Variants in FHIT observed in about 807,000 individuals in gnomAD.
The protein encoded by FHIT is bis(5'-adenosyl)-triphosphatase.
FHIT carries 19 observed loss-of-function variants against 17.9 expected under a neutral mutation model. The ratio of observed to expected loss-of-function variants is 1.06; its 90% CI spans 0.74 to 1.56. The LOEUF (loss-of-function observed/expected upper bound fraction) is 1.56. Among genes scored for constraint, FHIT ranks in the 40% most tolerant of loss-of-function variants. The pLI is 0.00. For synonymous variants in FHIT, 81 were observed against 69.7 expected (o/e 1.16, Z -0.81); for missense variants, 248 against 189.2 (o/e 1.31, Z -1.82).
At chr3:60,355,575 C>T (rs1439606229) in intron 5 of FHIT, among the ~76,000 whole-genome samples, 5 of 151,792 alleles carry the variant, frequency 3.3e-5, no homozygotes, top group Non-Finnish European at 5.9e-5. Flanking sequence ...TGAAAAATTG[C>T]TATTAAAAAA....
At chr3:60,919,735 T>A (rs144404792) in intron 3 of FHIT, among the ~76,000 whole-genome samples, 190 of 152,294 alleles carry the variant, frequency 1.2e-3, no homozygotes, top group African/African-American at 4.2e-3. Flanking sequence ...ATATTTTTTA[T>A]AGGGAATAAG....
chr3:60,124,041 G>GAGAC (rs1553691002), intron 5 of FHIT, among the ~76,000 whole-genome samples: 1,789 of 45,688 alleles, frequency 0.039, 62 homozygotes, highest in Non-Finnish European at 0.063. Context: ...GAGAGAGAGA[G>GAGAC]AGAGAGAGAG....
intron 2 of FHIT, among the ~76,000 whole-genome samples, chr3:61,115,235 G>C (rs750271947): frequency 1.3e-5 from 2 of 152,108 alleles, no homozygotes; most frequent in Non-Finnish European, 2.9e-5. Context: ...ATTATAATTG[G>C]AAATAAGTGA....
intron 8 of FHIT, among the ~76,000 whole-genome samples, chr3:59,784,469 C>T (rs965612793): frequency 1.3e-5 from 2 of 152,232 alleles, no homozygotes; most frequent in Non-Finnish European, 2.9e-5. Flanking sequence ...GAAAGCCATA[C>T]ATTGCCTTTG....
chr3:60,166,696 G>A (rs1701190193), intron 5 of FHIT, among the ~76,000 whole-genome samples: 2 of 152,130 alleles, frequency 1.3e-5, no homozygotes, highest in Admixed American at 6.6e-5. Context: ...CAGACAGATG[G>A]ACACATAAAA....
intron 2 of FHIT, among the ~76,000 whole-genome samples, chr3:61,184,385 T>C (rs1194791975): frequency 2.6e-5 from 4 of 152,048 alleles, no homozygotes; most frequent in African/African-American, 4.8e-5. Flanking sequence ...ACTGACTTCC[T>C]TGAGATGGGG....
At chr3:59,849,140 G>C (rs964001654) in intron 8 of FHIT, among the ~76,000 whole-genome samples, 1 of 152,158 alleles carries the variant, frequency 6.6e-6, no homozygotes, top group Non-Finnish European at 1.5e-5. Flanking sequence ...GGAGGCCAAG[G>C]CAGGCAGATC....
chr3:60,397,322 T>G (rs1701484721), intron 5 of FHIT, among the ~76,000 whole-genome samples: 2 of 152,090 alleles, frequency 1.3e-5, no homozygotes, highest in Admixed American at 6.6e-5. Context: ...AGGAAGAACT[T>G]CCAGACCATG....
chr3:60,584,106 A>G (rs1473874694), intron 4 of FHIT, among the ~76,000 whole-genome samples: 1 of 152,022 alleles, frequency 6.6e-6, no homozygotes, highest in African/African-American at 2.4e-5. Context: ...AATGACCAGG[A>G]CCTAAGAAAG....
chr3:61,084,917 T>A (rs1490290969), intron 2 of FHIT, among the ~76,000 whole-genome samples: 1 of 152,210 alleles, frequency 6.6e-6, no homozygotes, highest in African/African-American at 2.4e-5. Context: ...GATTCTTTTG[T>A]GTCTGGATTC....
intron 4 of FHIT, among the ~76,000 whole-genome samples, chr3:60,731,846 A>T (rs1339128197): frequency 5.3e-5 from 8 of 152,168 alleles, no homozygotes; most frequent in Non-Finnish European, 1.5e-5. Flanking sequence ...GTCGCCTGAC[A>T]TTCCTGGTGG....
intron 4 of FHIT, among the ~76,000 whole-genome samples, chr3:60,549,051 T>G: frequency 6.6e-6 from 1 of 152,182 alleles, no homozygotes; most frequent in East Asian, 1.9e-4. Context: ...CTTAAATATT[T>G]GATAAGTGCT....
intron 5 of FHIT, among the ~76,000 whole-genome samples, chr3:60,232,451 G>A (rs980871636): frequency 6.6e-6 from 1 of 152,080 alleles, no homozygotes; most frequent in South Asian, 2.1e-4. Flanking sequence ...AAGTACAGAT[G>A]CATGTTATCA....
chr3:60,604,616 G>C (rs1343206409), intron 4 of FHIT, among the ~76,000 whole-genome samples: 3 of 152,104 alleles, frequency 2.0e-5, no homozygotes, highest in African/African-American at 7.2e-5. Flanking sequence ...AACAAATTAT[G>C]TCATTTCTTA....
intron 5 of FHIT, among the ~76,000 whole-genome samples, chr3:60,151,249 A>G (rs570394335): frequency 6.6e-6 from 1 of 152,182 alleles, no homozygotes; most frequent in African/African-American, 2.4e-5. Context: ...TCAGTACATA[A>G]ATTATATAAT....
intron 5 of FHIT, among the ~76,000 whole-genome samples, chr3:60,436,958 C>T (rs192156526): frequency 6.6e-6 from 1 of 152,064 alleles, no homozygotes; most frequent in Non-Finnish European, 1.5e-5. Flanking sequence ...ACACAGCCTA[C>T]AGGAAAAGAT....
chr3:60,995,633 A>G (rs1422089729), intron 3 of FHIT, among the ~76,000 whole-genome samples: 1 of 152,204 alleles, frequency 6.6e-6, no homozygotes, highest in Non-Finnish European at 1.5e-5. Context: ...GACTTTTTAC[A>G]GGAGACACGT....
intron 3 of FHIT, among the ~76,000 whole-genome samples, chr3:60,860,302 C>A (rs1553751271): frequency 6.8e-6 from 1 of 146,234 alleles, no homozygotes; most frequent in East Asian, 2.0e-4. Flanking sequence ...TGAGATACAT[C>A]ATATGTATAC....
At chr3:59,813,477 C>T (rs1196736195) in intron 8 of FHIT, among the ~76,000 whole-genome samples, 3 of 152,098 alleles carry the variant, frequency 2.0e-5, no homozygotes, top group African/African-American at 2.4e-5. Context: ...ATTCCTGGAA[C>T]GCTTACTTAA....
Sources: gnomAD v4.1 joint callset for allele counts (sites outside exome capture counted in the v4.1 genomes callset) on GRCh38, gnomAD v4.1.1 for gene constraint, MANE v1.5 for transcripts, NCBI Gene and HGNC (gene_info 2026-07-23, HGNC 2026-07-21) for gene names.